The following CA12 variants were observed in gnomAD, a reference collection of about 807,000 sequenced individuals.
CA12 encodes carbonate dehydratase XII.
Under a neutral mutation model 46.8 loss-of-function variants are expected in CA12, and 36 were observed. The observed-to-expected ratio is 0.77, with a 90% CI of 0.59 to 1.02. CA12 has a LOEUF of 1.02. Among genes scored for constraint, CA12 ranks in the 50% least tolerant of loss-of-function variants. The pLI is 0.00. For missense variants in CA12, 436 were observed against 451.4 expected (o/e 0.97, Z 0.31); for synonymous variants, 202 against 187.0 (o/e 1.08, Z -0.65).
At chr15:63,380,187 G>A (rs1211868504) in intron 1 of CA12, among the ~76,000 whole-genome samples, 1 of 152,198 alleles carries the variant, frequency 6.6e-6, no homozygotes, top group Non-Finnish European at 1.5e-5. Context: ...TCCTCAGAGT[G>A]AGGCGAAAGT....
chr15:63,349,631 A>G (rs2039199979), intron 2 of CA12, among the ~76,000 whole-genome samples: 1 of 152,160 alleles, frequency 6.6e-6, no homozygotes, highest in African/African-American at 2.4e-5. Context: ...TATGGGTGAA[A>G]AATAGAGATT....
intron 2 of CA12, among the ~76,000 whole-genome samples, chr15:63,356,047 C>G (rs1309030258): frequency 6.6e-6 from 1 of 152,080 alleles, no homozygotes; most frequent in Non-Finnish European, 1.5e-5. Flanking sequence ...CAGTGTTGAC[C>G]ATCAGAAACA....
intron 8 of CA12, among the ~76,000 whole-genome samples, chr15:63,334,803 T>C (rs2038979370): frequency 6.6e-6 from 1 of 152,186 alleles, no homozygotes. Context: ...ACGCTACGTC[T>C]CTTGGTCTTA....
Position 63,372,648 on chromosome 15 carries a change from C to T in CA12, c.106+3010G>A, listed in dbSNP as rs766416317. Among the ~76,000 whole-genome samples, 12 of 152,270 alleles carry T rather than the reference C, an allele frequency of 7.9e-5. No individual in the cohort carries two copies. Among genetic ancestry groups the T allele is most frequent in the Admixed American group, 3.3e-4 (5 of 15,302 alleles). ...AGTGCGGCCCTTATTGCTTGGAAGCCGTTTCCCTCCAGCACTTATGCTGGG... is the reference window on the plus strand; with the variant it reads ...AGTGCGGCCCTTATTGCTTGGAAGCTGTTTCCCTCCAGCACTTATGCTGGG... On this transcript the variant is annotated intron_variant, in intron 2 of 10. Transcript: ENST00000178638. This position sits in a 1 kb window ranked among gnomAD's most constrained non-coding sequence, Gnocchi z 4.5.
intron 2 of CA12, among the ~76,000 whole-genome samples, chr15:63,353,777 G>A (rs1458169440): frequency 1.3e-5 from 2 of 152,118 alleles, no homozygotes; most frequent in Non-Finnish European, 2.9e-5. Flanking sequence ...AGACTCCTGG[G>A]CTGAAATGAT....
At chr15:63,332,870 T>C (rs184300265) in intron 8 of CA12, among the ~76,000 whole-genome samples, 1 of 152,224 alleles carries the variant, frequency 6.6e-6, no homozygotes, top group Admixed American at 6.5e-5. Flanking sequence ...CCAGGCACCA[T>C]GCCAGGCATA....
At chr15:63,365,499 G>A (rs930108806) in intron 2 of CA12, among the ~76,000 whole-genome samples, 1 of 152,240 alleles carries the variant, frequency 6.6e-6, no homozygotes, top group African/African-American at 2.4e-5. Flanking sequence ...AACAGGGGCA[G>A]GGTTTGGTGA....
rs2038792602 is a variant in CA12 at position 63,321,681 on chromosome 15, C to T, written c.*4604G>A. 6.6e-6 allele frequency: 1 copy of T among 152,248 alleles called. No homozygotes were observed. The highest frequency in any genetic ancestry group is 1.5e-5 in the Non-Finnish European group (1 of 68,072). The allele number at this position is 152,248 out of a possible 1,614,324, so 9.4% of individuals were successfully genotyped here. A position where few individuals can be genotyped will look rare whatever the true frequency, so the allele number is the denominator to read the frequency against. On this transcript the variant is annotated 3_prime_UTR_variant, in exon 11 of 11. Coordinates refer to ENST00000178638, the MANE Select transcript of CA12 (RefSeq NM_001218.5). This position sits in a 1 kb window ranked among gnomAD's most constrained non-coding sequence, Gnocchi z 4.5. Reference sequence around the variant, plus strand: ...CGAGGCTGCAACTGCTCCAGATACCCAGCAGGAAGGCCACGTGACAACGGG... The same window carrying T: ...CGAGGCTGCAACTGCTCCAGATACCTAGCAGGAAGGCCACGTGACAACGGG...
Position 63,325,885 on chromosome 15 carries a change from G to T in CA12, c.*400C>A, listed in dbSNP as rs1307434885. 4 of 264,572 alleles carry T rather than the reference G, an allele frequency of 1.5e-5. No homozygotes were observed. Among genetic ancestry groups the T allele is most frequent in the Admixed American group, 4.5e-5 (1 of 21,980 alleles). The allele number at this position is 264,572 out of a possible 1,614,324, so 16.4% of individuals were successfully genotyped here. ...ACCTAAGCAGAGAGTGCACATTCTT[G>T]TCTGAAAGCTTGGAGAAGCAGCAGA... On this transcript the variant is annotated 3_prime_UTR_variant, in exon 11 of 11. Transcript: ENST00000178638. The surrounding 1 kb of genome is among the most constrained non-coding windows in gnomAD (Gnocchi z 4.9).
intron 2 of CA12, among the ~76,000 whole-genome samples, chr15:63,369,193 G>A (rs888619579): frequency 6.6e-6 from 1 of 152,174 alleles, no homozygotes; most frequent in African/African-American, 2.4e-5. Flanking sequence ...AATACCCTTT[G>A]TTTATTGAAA....
chr15:63,324,571 G>T lies in CA12; in HGVS notation c.*1714C>A, dbSNP rs1178119662. 6.6e-6 allele frequency: 1 copy of T among 152,186 alleles called. No homozygotes were observed. Among genetic ancestry groups the T allele is most frequent in the Admixed American group, 6.6e-5 (1 of 15,266 alleles). The allele number at this position is 152,186 out of a possible 1,614,324, so 9.4% of individuals were successfully genotyped here. On this transcript the variant is annotated 3_prime_UTR_variant, in exon 11 of 11. Coordinates refer to ENST00000178638, the MANE Select transcript of CA12 (RefSeq NM_001218.5). ...GTGCACACACACACACAAACACACA[G>T]AGAGACACACACACATTTGAGCTCC...
intron 1 of CA12, among the ~76,000 whole-genome samples, chr15:63,376,333 T>C (rs375588881): frequency 1.2e-3 from 177 of 152,306 alleles, no homozygotes; most frequent in African/African-American, 4.0e-3. Flanking sequence ...GTATATACAG[T>C]AGAAGCTCTT....
intron 2 of CA12, 190 bp downstream of exon 2, chr15:63,375,468 A>G: frequency 1.8e-6 from 1 of 546,716 alleles, no homozygotes; most frequent in Non-Finnish European, 3.3e-6. Context: ...CTGCTTGGAG[A>G]AAGTGCAGTA....
rs1471784215 is a variant in CA12 at position 63,329,813 on chromosome 15, G to A, written c.875-1683C>T. Among the ~76,000 whole-genome samples the A allele has an allele frequency of 6.6e-6, 1 of 152,198 alleles. No individual in the cohort carries two copies. Among genetic ancestry groups the A allele is most frequent in the Non-Finnish European group, 1.5e-5 (1 of 68,034 alleles). ...GGAACCAGATCTGAGGCTGCAGGGT[G>A]AGGTTTTGCTCACTGCCCCTTCTCC... On this transcript the variant is annotated intron_variant, in intron 8 of 10. Transcript: ENST00000178638. The surrounding 1 kb of genome is among the most constrained non-coding windows in gnomAD (Gnocchi z 4.8).
chr15:63,365,687 C>A (rs1308849790), intron 2 of CA12, among the ~76,000 whole-genome samples: 1 of 152,212 alleles, frequency 6.6e-6, no homozygotes, highest in East Asian at 1.9e-4. Context: ...AAGGTCAGGA[C>A]CCCCATTTCT....
chr15:63,340,323 C>A lies in CA12; in HGVS notation c.712G>T (p.Val238Phe). 6.2e-7 allele frequency: 1 copy of A among 1,614,196 alleles called. No homozygotes were observed. Among genetic ancestry groups the A allele is most frequent in the Non-Finnish European group, 8.5e-7 (1 of 1,180,030 alleles). The change falls in exon 7 of 11, where the codon GTT becomes TTT. Residue 238 changes from valine to phenylalanine, a missense_variant. Physicochemically the swap from Val to Phe is conservative, Grantham distance 50 (BLOSUM62 -1). Transcript: ENST00000178638. This position sits in a 1 kb window ranked among gnomAD's most constrained non-coding sequence, Gnocchi z 4.4. ...PPCNPTVLWT[V>F]FRNPVQISQE... The stretch of plus-strand genomic sequence containing the variant: ...GAAATTTGCACGGGGTTTCGGAAAA[C>A]TGTCCAGAGCACAGTGGGGTTGCAA...
intron 2 of CA12, among the ~76,000 whole-genome samples, chr15:63,368,355 C>T (rs566047596): frequency 6.6e-6 from 1 of 152,290 alleles, no homozygotes; most frequent in Admixed American, 6.5e-5. Flanking sequence ...CTGCACCCTT[C>T]GCCCAGCAGT....
In CA12 at chr15:63,331,233, G is replaced by A. The variant is rs2038934104; in HGVS notation, c.875-3103C>T. On this transcript the variant is annotated intron_variant, in intron 8 of 10. Coordinates refer to ENST00000178638, the MANE Select transcript of CA12 (RefSeq NM_001218.5). The surrounding 1 kb of genome is among the most constrained non-coding windows in gnomAD (Gnocchi z 5.3). ...AGTCAGCGAGACTTTCGGGACACAG[G>A]GAGAACTGTCAGGGCAACCAGAGAA... 6.6e-6 allele frequency among the ~76,000 whole-genome samples: 1 copy of A among 152,192 alleles called. No individual in the cohort carries two copies. Among genetic ancestry groups the A allele is most frequent in the South Asian group, 2.1e-4 (1 of 4,834 alleles).
chr15:63,341,883 T>C lies in CA12; in HGVS notation c.525+119A>G, dbSNP rs1294488699. The C allele has an allele frequency of 1.3e-6, 1 of 745,764 alleles. No homozygotes were observed. Among genetic ancestry groups the C allele is most frequent in the Non-Finnish European group, 2.4e-6 (1 of 417,858 alleles). The allele number at this position is 745,764 out of a possible 1,614,324, so 46.2% of individuals were successfully genotyped here. ...AGGAGGATACCCCCTGCTCTGGAGT[T>C]GACACGGAGTCGATACAGGAACAGC... On this transcript the variant is annotated intron_variant, in intron 5 of 10. Coordinates refer to ENST00000178638, the MANE Select transcript of CA12 (RefSeq NM_001218.5). The surrounding 1 kb of genome is among the most constrained non-coding windows in gnomAD (Gnocchi z 5.2).
Sources: allele counts gnomAD v4.1 joint callset (sites outside exome capture counted in the v4.1 genomes callset), GRCh38; gene constraint gnomAD v4.1.1; non-coding constraint Gnocchi (gnomAD v3.1); transcripts MANE v1.5; gene names NCBI Gene and HGNC (gene_info 2026-07-23, HGNC 2026-07-21).